The following SOBP variants were observed in gnomAD, a reference collection of about 807,000 sequenced individuals.
The protein encoded by SOBP is sine oculis binding protein homolog.
In SOBP, 4 loss-of-function variants were observed where a neutral mutation model predicts 53.6. The observed-to-expected ratio is 0.07, with a 90% CI of 0.04 to 0.17. SOBP has a LOEUF of 0.17. Ranked by LOEUF, SOBP falls within the 10% of genes least tolerant of loss-of-function variation. SOBP has a pLI of 1.00. For missense variants in SOBP, 1,088 were observed against 1,204.7 expected (o/e 0.90, Z 1.43); for synonymous variants, 584 against 522.6 (o/e 1.12, Z -1.60).
rs76073452 is a variant in SOBP at position 107,493,659 on chromosome 6, G to T, written c.96+2947G>T. 1.7e-4 allele frequency among the ~76,000 whole-genome samples: 26 copies of T among 152,300 alleles called. No homozygotes were observed. In the East Asian group the frequency reaches 4.2e-3, roughly 25 times the overall value. ...CCTTCGGGTAATAGAAAGGACATTG[G>T]TACAAGTGTCTATTTTAAGTACAGC... On this transcript the variant is annotated intron_variant, in intron 1 of 6. Transcript: ENST00000317357.
intron 5 of SOBP, among the ~76,000 whole-genome samples, chr6:107,627,925 T>G (rs1003219060): frequency 6.6e-6 from 1 of 152,194 alleles, no homozygotes; most frequent in Non-Finnish European, 1.5e-5. Context: ...TTCCCCATTT[T>G]GTGGGGGCTC....
At chr6:107,553,298 TTTTATTTATTTATTTATTTATTTATTTA>T (rs750735550) in intron 4 of SOBP, among the ~76,000 whole-genome samples, 37 of 139,430 alleles carry the variant, frequency 2.7e-4, no homozygotes, top group African/African-American at 8.7e-4. Context: ...CTTATTATTA[TTTTATTTATTTATTTATTTATTTATTTA>T]TTTATTTATT....
chr6:107,635,940 C>T lies in SOBP; in HGVS notation c.*3+471C>T, dbSNP rs1007206615. Among the ~76,000 whole-genome samples, 1 of 152,194 alleles carries T rather than the reference C, an allele frequency of 6.6e-6. No individual in the cohort carries two copies. Among genetic ancestry groups the T allele is most frequent in the Non-Finnish European group, 1.5e-5 (1 of 68,034 alleles). On this transcript the variant is annotated intron_variant, in intron 6 of 6. Coordinates refer to ENST00000317357, the MANE Select transcript of SOBP (RefSeq NM_018013.4). The surrounding 1 kb of genome is among the most constrained non-coding windows in gnomAD (Gnocchi z 4.5). The stretch of plus-strand genomic sequence containing the variant: ...GAGCTGGGCCACCTACTAAATAGAG[C>T]TGGTTGCCTCATTGGCAGAATGTCA...
chr6:107,543,098 G>A (rs1475699536), intron 4 of SOBP, among the ~76,000 whole-genome samples: 1 of 152,174 alleles, frequency 6.6e-6, no homozygotes, highest in Non-Finnish European at 1.5e-5. Flanking sequence ...TACTTGTAGG[G>A]TGTGTCAGGA....
At chr6:107,536,627 A>C (rs1398270305) in intron 4 of SOBP, among the ~76,000 whole-genome samples, 2 of 152,298 alleles carry the variant, frequency 1.3e-5, no homozygotes, top group African/African-American at 4.8e-5. Flanking sequence ...GGATGGATTG[A>C]AGCCAGGTTA....
intron 5 of SOBP, among the ~76,000 whole-genome samples, chr6:107,603,425 TG>T (rs1377042400): frequency 1.3e-5 from 2 of 152,232 alleles, no homozygotes; most frequent in Non-Finnish European, 2.9e-5. Context: ...TGGCATCTCA[TG>T]GGCCTCCATG....
chr6:107,634,834 C>T lies in SOBP; in HGVS notation c.1990C>T (p.Leu664=), dbSNP rs1161282407. The T allele has an allele frequency of 7.1e-7, 1 of 1,408,122 alleles. No homozygotes were observed. The highest frequency in any genetic ancestry group is 3.3e-5 in the East Asian group (1 of 30,328). The allele number at this position is 1,408,122 out of a possible 1,614,324, so 87.2% of individuals were successfully genotyped here. A position where few individuals can be genotyped will look rare whatever the true frequency, so the allele number is the denominator to read the frequency against. The part of the protein sequence containing the change: ...IDLTVGHRAR[L]HNVIHRALHA... ...CCTGACCGTGGGCCACCGAGCCCGG[C>T]TGCACAACGTGATCCACCGCGCGCT... Residue 664 remains leucine, a synonymous_variant, in exon 6 of 7, where the codon CTG becomes TTG. Transcript: ENST00000317357. The surrounding 1 kb of genome is among the most constrained non-coding windows in gnomAD (Gnocchi z 4.5).
intron 4 of SOBP, among the ~76,000 whole-genome samples, chr6:107,535,536 T>G (rs1191509100): frequency 9.2e-5 from 14 of 152,126 alleles, no homozygotes; most frequent in Non-Finnish European, 1.9e-4. Flanking sequence ...TGTCTGTTAG[T>G]GTACAAACAA....
chr6:107,639,766 T>C (rs941128932), intron 6 of SOBP, among the ~76,000 whole-genome samples: 1 of 152,200 alleles, frequency 6.6e-6, no homozygotes, highest in African/African-American at 2.4e-5. Context: ...TTGCAAATGT[T>C]TGAAGATATT....
intron 6 of SOBP, among the ~76,000 whole-genome samples, chr6:107,644,359 C>T (rs1771466004): frequency 6.6e-6 from 1 of 152,104 alleles, no homozygotes; most frequent in Non-Finnish European, 1.5e-5. Flanking sequence ...CAGTCTGTGT[C>T]CACATGAACT....
At chr6:107,506,024 TC>T (rs1289678338) in intron 2 of SOBP, among the ~76,000 whole-genome samples, 1 of 152,238 alleles carries the variant, frequency 6.6e-6, no homozygotes, top group African/African-American at 2.4e-5. Flanking sequence ...ATATTAGCTA[TC>T]ATAGTGGAGC....
In SOBP at chr6:107,639,080, T is replaced by G. The variant is rs564436570; in HGVS notation, c.*3+3611T>G. The stretch of plus-strand genomic sequence containing the variant: ...ACCATGCCCAGCTATTTTTTATATT[T>G]TTGGTAGAGATGGGGTTTCACCATG... On this transcript the variant is annotated intron_variant, in intron 6 of 6. Coordinates refer to ENST00000317357, the MANE Select transcript of SOBP (RefSeq NM_018013.4). 2.0e-5 allele frequency among the ~76,000 whole-genome samples: 3 copies of G among 152,188 alleles called. No homozygotes were observed. In the East Asian group the frequency reaches 5.8e-4, roughly 29 times the overall value.
intron 3 of SOBP, among the ~76,000 whole-genome samples, chr6:107,519,485 G>C (rs1359996170): frequency 6.6e-6 from 1 of 152,052 alleles, no homozygotes; most frequent in Admixed American, 6.6e-5. Flanking sequence ...GACCAGCTTG[G>C]GCGTGTGCAT....
At chr6:107,490,941 A>C (rs924822676) in intron 1 of SOBP, among the ~76,000 whole-genome samples, 1 of 152,060 alleles carries the variant, frequency 6.6e-6, no homozygotes, top group African/African-American at 2.4e-5. Flanking sequence ...ATACTATTTA[A>C]CCTTACGAAT....
intron 4 of SOBP, among the ~76,000 whole-genome samples, chr6:107,567,079 G>A (rs922739988): frequency 2.6e-5 from 4 of 152,158 alleles, no homozygotes; most frequent in Admixed American, 6.5e-5. Context: ...CACTATGCTG[G>A]ACATCAAGGG....
intron 4 of SOBP, among the ~76,000 whole-genome samples, chr6:107,537,819 C>CAAAAA (rs527261424): frequency 1.1e-5 from 1 of 94,676 alleles, no homozygotes; most frequent in African/African-American, 3.8e-5. Context: ...GACCCTATCT[C>CAAAAA]AAAAAAAAAA....
chr6:107,605,982 A>T (rs961888187), intron 5 of SOBP, among the ~76,000 whole-genome samples: 5 of 152,002 alleles, frequency 3.3e-5, no homozygotes, highest in Non-Finnish European at 5.9e-5. Context: ...CTCCTTATCA[A>T]TATAGGACAC....
intron 4 of SOBP, among the ~76,000 whole-genome samples, chr6:107,563,739 A>G (rs953291149): frequency 1.3e-5 from 2 of 151,944 alleles, no homozygotes; most frequent in African/African-American, 4.8e-5. Context: ...GTATGTCCGG[A>G]AAAGCAGAGG....
intron 5 of SOBP, among the ~76,000 whole-genome samples, chr6:107,590,868 G>A (rs891090828): frequency 1.3e-5 from 2 of 152,110 alleles, no homozygotes; most frequent in South Asian, 2.1e-4. Flanking sequence ...GAAATACCCC[G>A]TGCTAATCCA....
Sources: gnomAD v4.1 joint callset for allele counts (sites outside exome capture counted in the v4.1 genomes callset) on GRCh38, gnomAD v4.1.1 for gene constraint, Gnocchi (gnomAD v3.1) non-coding constraint, MANE v1.5 for transcripts, NCBI Gene and HGNC (gene_info 2026-07-23, HGNC 2026-07-21) for gene names.